Variants in CACHD1 observed in about 807,000 individuals in gnomAD.
CACHD1 encodes the protein cache domain containing 1, also known as VWFA and cache domain-containing protein 1.
Under a neutral mutation model 138.7 loss-of-function variants are expected in CACHD1, and 71 were observed. The observed-to-expected ratio is 0.51, with a 90% CI of 0.42 to 0.62. The LOEUF is 0.62. Among genes scored for constraint, CACHD1 ranks in the 20% least tolerant of loss-of-function variants. CACHD1 has a pLI of 0.00. For synonymous variants in CACHD1, 578 were observed against 591.5 expected (o/e 0.98, Z 0.33); for missense variants, 1,389 against 1,625.3 (o/e 0.85, Z 2.50).
chr1:64,615,478 T>C lies in CACHD1; in HGVS notation c.517+12566T>C, dbSNP rs138698520. Among the ~76,000 whole-genome samples the C allele has an allele frequency of 9.2e-5, 14 of 152,320 alleles. No individual in the cohort carries two copies. The East Asian group carries it at 2.7e-3, about 29-fold the overall frequency. ...CACATTCTTACTGCAGATTTTTGAT[T>C]TTTTAAGTGAGATGCCTACTTGACC... On this transcript the variant is annotated intron_variant, in intron 4 of 26. Coordinates refer to ENST00000651257, the MANE Select transcript of CACHD1 (RefSeq NM_020925.4).
chr1:64,621,418 TG>T (rs1647909048), intron 4 of CACHD1, among the ~76,000 whole-genome samples: 1 of 152,138 alleles, frequency 6.6e-6, no homozygotes, highest in African/African-American at 2.4e-5. Context: ...CAAAGCCAGC[TG>T]GAAGTTTGTT....
At chr1:64,487,527 C>G (rs1646250329) in intron 1 of CACHD1, among the ~76,000 whole-genome samples, 1 of 152,070 alleles carries the variant, frequency 6.6e-6, no homozygotes. Flanking sequence ...GAGGTGACAC[C>G]AATATTTACT....
chr1:64,592,844 T>C (rs1366049481), intron 3 of CACHD1, among the ~76,000 whole-genome samples: 1 of 152,168 alleles, frequency 6.6e-6, no homozygotes, highest in African/African-American at 2.4e-5. Context: ...TAATGACACC[T>C]TAAGGTACAA....
chr1:64,644,174 T>A (rs777112192), intron 8 of CACHD1, among the ~76,000 whole-genome samples: 8 of 152,274 alleles, frequency 5.3e-5, no homozygotes, highest in Admixed American at 1.3e-4. Flanking sequence ...CACGTGCCCA[T>A]CAGTGTTATC....
At chr1:64,499,345 A>G (rs1259273255) in intron 1 of CACHD1, among the ~76,000 whole-genome samples, 1 of 152,200 alleles carries the variant, frequency 6.6e-6, no homozygotes, top group Non-Finnish European at 1.5e-5. Context: ...CACTGCATTC[A>G]TGTTCAAAAC....
At chr1:64,664,324 C>A in intron 14 of CACHD1, 174 bp from the exon 15 acceptor site, 1 of 618,784 alleles carries the variant, frequency 1.6e-6, no homozygotes, top group Non-Finnish European at 2.8e-6. Flanking sequence ...GACTGTATTT[C>A]TGCAAGCTTT....
chr1:64,635,182 T>A (rs751666), intron 7 of CACHD1, among the ~76,000 whole-genome samples: 1 of 151,238 alleles, frequency 6.6e-6, no homozygotes, highest in South Asian at 2.1e-4. Flanking sequence ...TCTGCACTTA[T>A]GTCCCAAGGG....
At chr1:64,646,825 T>C (rs1648920893) in intron 8 of CACHD1, among the ~76,000 whole-genome samples, 1 of 152,204 alleles carries the variant, frequency 6.6e-6, no homozygotes, top group South Asian at 2.1e-4. Context: ...ATGTACACTC[T>C]CTATGTAGAA....
chr1:64,562,664 GC>G (rs1553133417), intron 2 of CACHD1, among the ~76,000 whole-genome samples: 7 of 149,558 alleles, frequency 4.7e-5, no homozygotes, highest in Non-Finnish European at 1.0e-4. Flanking sequence ...CTTGTGATCT[GC>G]CTGCCTTGGC....
chr1:64,488,859 C>T (rs528713405), intron 1 of CACHD1, among the ~76,000 whole-genome samples: 2 of 152,280 alleles, frequency 1.3e-5, no homozygotes, highest in Admixed American at 6.5e-5. Context: ...TATTTAAAGT[C>T]TGTTACTAGC....
intron 1 of CACHD1, among the ~76,000 whole-genome samples, chr1:64,505,103 T>C (rs1553127683): frequency 1.3e-5 from 2 of 152,216 alleles, no homozygotes; most frequent in Non-Finnish European, 1.5e-5. Context: ...TTCTAAACTT[T>C]ATCTCACTTG....
At chr1:64,488,199 G>A (rs575143917) in intron 1 of CACHD1, among the ~76,000 whole-genome samples, 1 of 152,134 alleles carries the variant, frequency 6.6e-6, no homozygotes, top group Non-Finnish European at 1.5e-5. Context: ...GAGGTTTCTA[G>A]TTCCCAAAAA....
intron 1 of CACHD1, among the ~76,000 whole-genome samples, chr1:64,482,184 G>T (rs546010917): frequency 3.3e-5 from 5 of 152,236 alleles, no homozygotes; most frequent in African/African-American, 9.6e-5. Flanking sequence ...TAGAGGTGTA[G>T]AAAGACCTGT....
At chr1:64,532,284 T>C (rs1646593442) in intron 1 of CACHD1, among the ~76,000 whole-genome samples, 1 of 152,130 alleles carries the variant, frequency 6.6e-6, no homozygotes, top group Non-Finnish European at 1.5e-5. Flanking sequence ...ATTAATTAAT[T>C]GAATGCCTAC....
rs566452823 is a variant in CACHD1, at chr1:64,599,926, C to T, written c.411-2880C>T. Among the ~76,000 whole-genome samples, 6 of 152,218 alleles carry T rather than the reference C, an allele frequency of 3.9e-5. No individual in the cohort carries two copies. In the East Asian group the frequency reaches 9.7e-4, roughly 25 times the overall value. On this transcript the variant is annotated intron_variant, in intron 3 of 26. Coordinates refer to ENST00000651257, the MANE Select transcript of CACHD1 (RefSeq NM_020925.4). ...GGCTCTCTCCAGGTTTATACATTTC[C>T]TGGGAAGATTTGTCAGTAACCCTCT...
intron 1 of CACHD1, among the ~76,000 whole-genome samples, chr1:64,500,213 A>G (rs1352972920): frequency 1.3e-5 from 2 of 152,172 alleles, no homozygotes; most frequent in African/African-American, 2.4e-5. Flanking sequence ...ATGACTGGTC[A>G]CATGACTCCA....
intron 2 of CACHD1, among the ~76,000 whole-genome samples, chr1:64,553,625 A>G (rs1646775835): frequency 6.6e-6 from 1 of 152,244 alleles, no homozygotes; most frequent in African/African-American, 2.4e-5. Context: ...ATATATTAAA[A>G]TGAACATCTT....
intron 12 of CACHD1, among the ~76,000 whole-genome samples, chr1:64,657,356 A>G (rs1224238162): frequency 6.6e-6 from 1 of 152,240 alleles, no homozygotes; most frequent in Non-Finnish European, 1.5e-5. Context: ...ATAAAGTGCT[A>G]CTTTTAGAAG....
intron 4 of CACHD1, among the ~76,000 whole-genome samples, chr1:64,611,098 G>A (rs1647516101): frequency 6.6e-6 from 1 of 152,196 alleles, no homozygotes; most frequent in African/African-American, 2.4e-5. Flanking sequence ...TGGAGTGGCT[G>A]GGACACAGAG....
Sources: gnomAD v4.1 joint callset for allele counts (sites outside exome capture counted in the v4.1 genomes callset) on GRCh38, gnomAD v4.1.1 for gene constraint, MANE v1.5 for transcripts, NCBI Gene and HGNC (gene_info 2026-07-23, HGNC 2026-07-21) for gene names.